The following MYO1D variants were observed in gnomAD, a reference collection of about 807,000 sequenced individuals.
The protein encoded by MYO1D is unconventional myosin-Id.
MYO1D carries 83 observed loss-of-function variants against 122.0 expected under a neutral mutation model. The ratio of observed to expected loss-of-function variants is 0.68; its 90% CI spans 0.57 to 0.82. The LOEUF is 0.82. Ranked by LOEUF, MYO1D falls within the 40% of genes least tolerant of loss-of-function variation. MYO1D has a pLI of 0.00. For synonymous variants in MYO1D, 464 were observed against 446.9 expected (o/e 1.04, Z -0.48); for missense variants, 1,157 against 1,269.5 (o/e 0.91, Z 1.35).
At chr17:32,732,920 C>A (rs2089657417) in intron 14 of MYO1D, among the ~76,000 whole-genome samples, 1 of 152,210 alleles carries the variant, frequency 6.6e-6, no homozygotes, top group Non-Finnish European at 1.5e-5. Flanking sequence ...AGCTTCTGGG[C>A]ACCACTGCAT....
intron 16 of MYO1D, among the ~76,000 whole-genome samples, chr17:32,707,140 T>C (rs2089319609): frequency 6.6e-6 from 1 of 152,068 alleles, no homozygotes; most frequent in African/African-American, 2.4e-5. Context: ...ATAACTGTAA[T>C]ACATAATATT....
At chr17:32,784,729 G>A (rs1038871588) in intron 1 of MYO1D, among the ~76,000 whole-genome samples, 2 of 151,886 alleles carry the variant, frequency 1.3e-5, no homozygotes, top group Non-Finnish European at 2.9e-5. Flanking sequence ...CTTATATATA[G>A]GACAATCTAT....
intron 20 of MYO1D, among the ~76,000 whole-genome samples, chr17:32,620,986 T>C (rs1250726661): frequency 1.3e-5 from 2 of 152,240 alleles, no homozygotes; most frequent in Non-Finnish European, 2.9e-5. Flanking sequence ...TTTGGAATAG[T>C]TGCATATATA....
intron 1 of MYO1D, among the ~76,000 whole-genome samples, chr17:32,865,543 C>T (rs2091116431): frequency 6.6e-6 from 1 of 152,124 alleles, no homozygotes; most frequent in South Asian, 2.1e-4. Context: ...TCCATCTATT[C>T]CAGGAGGTTC....
At chr17:32,677,310 G>A (rs1013506270) in intron 16 of MYO1D, among the ~76,000 whole-genome samples, 1 of 151,960 alleles carries the variant, frequency 6.6e-6, no homozygotes, top group African/African-American at 2.4e-5. Context: ...CTCCATGAAT[G>A]GCAGCAGATT....
chr17:32,869,810 G>A (rs138657310), intron 1 of MYO1D, among the ~76,000 whole-genome samples: 279 of 152,230 alleles, frequency 1.8e-3, no homozygotes, highest in African/African-American at 6.5e-3. Context: ...GTGTGCGCCT[G>A]TAGTCCCAGC....
At chr17:32,584,881 A>T (rs2087372708) in intron 21 of MYO1D, among the ~76,000 whole-genome samples, 2 of 152,194 alleles carry the variant, frequency 1.3e-5, no homozygotes, top group Non-Finnish European at 2.9e-5. Flanking sequence ...AAAAACATTG[A>T]TTTGCTCAAA....
In MYO1D at chr17:32,609,469, TA is replaced by T. The variant is rs1318225764; in HGVS notation, c.2710-4229del. Among the ~76,000 whole-genome samples, 3 of 152,300 alleles carry T rather than the reference TA, an allele frequency of 2.0e-5. No homozygotes were observed. In the East Asian group the frequency reaches 5.8e-4, roughly 29 times the overall value. ...ATCAGAGGAAGAGGTAAGTATTAAA[TA>T]ACTGAAGAAAAACACCTTAACAATT... On this transcript the variant is annotated intron_variant, in intron 20 of 21. Transcript: ENST00000318217.
rs139946588 is a variant in MYO1D, at chr17:32,740,564, G to A, written c.1614-2179C>T. On this transcript the variant is annotated intron_variant, in intron 13 of 21. Transcript: ENST00000318217. ...TGAGATGATAGCTCACTGCAGCCTC[G>A]ACCTTCCAGGCTCAAGTGATACTCC... Among the ~76,000 whole-genome samples the A allele has an allele frequency of 3.3e-5, 5 of 152,176 alleles. No homozygotes were observed. The East Asian group carries it at 5.8e-4, about 18-fold the overall frequency.
At chr17:32,827,599 T>C (rs1338720773) in intron 1 of MYO1D, among the ~76,000 whole-genome samples, 2 of 152,218 alleles carry the variant, frequency 1.3e-5, no homozygotes, top group African/African-American at 4.8e-5. Context: ...AAAAAATTAA[T>C]AAGCATTTTG....
intron 16 of MYO1D, among the ~76,000 whole-genome samples, chr17:32,663,209 A>G (rs75959319): frequency 2.0e-5 from 3 of 151,752 alleles, no homozygotes; most frequent in African/African-American, 7.2e-5. Flanking sequence ...GAGCCACCGC[A>G]CCCGGCAATT....
At chr17:32,874,185 A>G (rs1192366620) in intron 1 of MYO1D, among the ~76,000 whole-genome samples, 1 of 152,200 alleles carries the variant, frequency 6.6e-6, no homozygotes, top group Admixed American at 6.5e-5. Flanking sequence ...AACAATTTCT[A>G]TAATTACTTG....
intron 19 of MYO1D, among the ~76,000 whole-genome samples, chr17:32,645,307 T>G (rs2088272156): frequency 6.6e-6 from 1 of 152,244 alleles, no homozygotes; most frequent in Non-Finnish European, 1.5e-5. Context: ...GGCTTCCCTT[T>G]GTGGGTAACC....
rs1249692014 is a variant in MYO1D, at chr17:32,760,617, T to A, written c.1046A>T (p.Glu349Val). 6.2e-7 allele frequency: 1 copy of A among 1,604,538 alleles called. No individual in the cohort carries two copies. Among genetic ancestry groups the A allele is most frequent in the Non-Finnish European group, 8.5e-7 (1 of 1,176,368 alleles). ...GRDAFAKAIY[E>V]RLFCWIVTRI... is the part of the protein sequence containing the mutation. ...AGTAACGATCCAACAAAAAAGGCGC[T>A]CATATATTGCCTGCAAGGAAAATAG... is the stretch of plus-strand genomic sequence containing the variant. The change falls in exon 9 of 22, where the codon GAG becomes GTG. Residue 349 changes from glutamate (E) to valine (V), a missense_variant. Glu to Val is a moderately radical substitution (Grantham distance 121). Coordinates refer to ENST00000318217, the MANE Select transcript of MYO1D (RefSeq NM_015194.3).
At chr17:32,871,966 T>A (rs904559767) in intron 1 of MYO1D, among the ~76,000 whole-genome samples, 2 of 152,034 alleles carry the variant, frequency 1.3e-5, no homozygotes, top group African/African-American at 4.8e-5. Flanking sequence ...AGGACAGGGA[T>A]GTTGTGGTTA....
chr17:32,530,418 A>G (rs1001910801), intron 21 of MYO1D, among the ~76,000 whole-genome samples: 2 of 152,254 alleles, frequency 1.3e-5, no homozygotes, highest in Non-Finnish European at 2.9e-5. Flanking sequence ...AAAAAATTAC[A>G]GACTAAGTGC....
intron 13 of MYO1D, among the ~76,000 whole-genome samples, chr17:32,743,212 C>T (rs906338605): frequency 5.3e-5 from 8 of 152,118 alleles, no homozygotes; most frequent in Non-Finnish European, 7.4e-5. Context: ...TTTAAAACTA[C>T]GCTCACTCCC....
At chr17:32,818,202 A>G (rs1020706434) in intron 1 of MYO1D, among the ~76,000 whole-genome samples, 3 of 151,374 alleles carry the variant, frequency 2.0e-5, no homozygotes, top group African/African-American at 7.3e-5. Context: ...TCACCTAAGC[A>G]GTCTACTTCT....
intron 1 of MYO1D, among the ~76,000 whole-genome samples, chr17:32,865,986 T>C (rs1317192101): frequency 2.0e-5 from 3 of 152,128 alleles, no homozygotes; most frequent in African/African-American, 7.2e-5. Flanking sequence ...ATGATTAGAG[T>C]CATAGTCTGG....
Sources: allele counts gnomAD v4.1 joint callset (sites outside exome capture counted in the v4.1 genomes callset), GRCh38; gene constraint gnomAD v4.1.1; transcripts MANE v1.5; gene names NCBI Gene and HGNC (gene_info 2026-07-23, HGNC 2026-07-21).